RYR2: variants seen among roughly 807,000 people sequenced by gnomAD.
RYR2 encodes cardiac muscle ryanodine receptor-calcium release channel.
Under a neutral mutation model 601.1 loss-of-function variants are expected in RYR2, and 227 were observed. The observed-to-expected ratio is 0.38, with a 90% confidence interval of 0.34 to 0.42. RYR2 has a LOEUF of 0.42. Among genes scored for constraint, RYR2 ranks in the 10% least tolerant of loss-of-function variants. RYR2 has a pLI of 1.00. For missense variants in RYR2, 4,646 were observed against 6,156.5 expected (o/e 0.75, Z 8.21); for synonymous variants, 2,223 against 2,175.1 (o/e 1.02, Z -0.61).
chr1:237,045,873 T>C (rs1660527256), intron 1 of RYR2, among the ~76,000 whole-genome samples: 1 of 108,790 alleles, frequency 9.2e-6, no homozygotes, highest in Admixed American at 1.3e-4. Flanking sequence ...GTCAAGGTTT[T>C]TTTTTTTTTT....
intron 68 of RYR2, among the ~76,000 whole-genome samples, chr1:237,707,979 A>C (rs1573611087): frequency 1.5e-5 from 2 of 135,198 alleles, no homozygotes; most frequent in South Asian, 2.3e-4. Flanking sequence ...ATGGGGTTTC[A>C]CCATGTTCGC....
chr1:237,555,655 C>T (rs999623980), intron 27 of RYR2, among the ~76,000 whole-genome samples: 6 of 152,124 alleles, frequency 3.9e-5, no homozygotes, highest in African/African-American at 1.4e-4. Flanking sequence ...AGAAGGAACT[C>T]TGACAACATT....
intron 17 of RYR2, among the ~76,000 whole-genome samples, chr1:237,476,704 T>TG (rs909602895): frequency 7.2e-5 from 11 of 152,120 alleles, no homozygotes; most frequent in African/African-American, 2.7e-4. Context: ...AGTTGTAAGC[T>TG]GTGAAATAAA....
intron 17 of RYR2, among the ~76,000 whole-genome samples, chr1:237,486,311 G>A (rs570927093): frequency 3.2e-4 from 49 of 152,230 alleles, no homozygotes; most frequent in Non-Finnish European, 5.3e-4. Context: ...CTAAGTTCTT[G>A]TAACTCCTCA....
At chr1:237,048,704 C>G (rs1660887842) in intron 1 of RYR2, among the ~76,000 whole-genome samples, 1 of 152,130 alleles carries the variant, frequency 6.6e-6, no homozygotes, top group African/African-American at 2.4e-5. Context: ...TTGGGAAACT[C>G]AAGCAATGGT....
intron 39 of RYR2, 84 bp downstream of exon 39, chr1:237,623,954 A>G (rs770378887): frequency 2.3e-6 from 2 of 865,186 alleles, no homozygotes; most frequent in Non-Finnish European, 3.8e-6. Context: ...GTATATGCGA[A>G]TATTTTCACG....
intron 1 of RYR2, among the ~76,000 whole-genome samples, chr1:237,182,047 A>G (rs995726022): frequency 6.6e-6 from 1 of 152,208 alleles, no homozygotes; most frequent in Non-Finnish European, 1.5e-5. Flanking sequence ...CATTTGCTAC[A>G]TACAAAAGAA....
In RYR2 at chr1:237,651,825, T is replaced by C. The variant is rs547286301; in HGVS notation, c.7824+324T>C. Among the ~76,000 whole-genome samples, 359 of 152,010 alleles carry C rather than the reference T, an allele frequency of 2.4e-3. 1 individual carries two copies. The highest frequency in any genetic ancestry group is 8.2e-3 in the East Asian group (42 of 5,146). On this transcript the variant is annotated intron_variant, in intron 51 of 104. Coordinates refer to ENST00000366574, the MANE Select transcript of RYR2 (RefSeq NM_001035.3). ...GGCCAAGGTGGGCGGATCACGAGGT[T>C]AGGAGATCGAGACCATCCTAGCTAA...
At chr1:237,649,245 A>T (rs1256475784) in intron 49 of RYR2, among the ~76,000 whole-genome samples, 2 of 152,234 alleles carry the variant, frequency 1.3e-5, no homozygotes, top group African/African-American at 4.8e-5. Context: ...TTTATCAATT[A>T]AATGTGCTTT....
At chr1:237,439,288 C>T (rs1205154100) in intron 12 of RYR2, among the ~76,000 whole-genome samples, 1 of 152,168 alleles carries the variant, frequency 6.6e-6, no homozygotes, top group Admixed American at 6.5e-5. Context: ...CAAGTGTTCT[C>T]ACTTATTTTT....
rs2805396 is a variant in RYR2, at chr1:237,569,095, G to A, written c.3424-50G>A. 1,047,646 of 1,551,862 alleles carry A rather than the reference G, an allele frequency of 0.68. 363,408 individuals carry two copies. Among genetic ancestry groups the A allele is most frequent in the Admixed American group, 0.73 (39,777 of 54,836 alleles). On this transcript the variant is annotated intron_variant, in intron 28 of 104. Transcript: ENST00000366574. ...TCGTGACAGAGTGGTGGGTGGGTGC[G>A]ATTTTCCTGGCTTAGTCTGTGACAA...
At position 237,830,610 on chromosome 1, in the gene RYR2, G is replaced by A. The variant is rs540660645; in HGVS notation, c.14736G>A (p.Glu4912=). The change falls in exon 103 of 105, where the codon GAG becomes GAA. Residue 4912 remains glutamate (E), a synonymous_variant. Coordinates refer to ENST00000366574, the MANE Select transcript of RYR2 (RefSeq NM_001035.3). ...GCTTTGAAACCCACACTTTACAGGA[G>A]CACAACTTGGCTAATTACTTGTGAG... ...PHGFETHTLQ[E]HNLANYLFFL... is the part of the protein sequence containing the mutation. 1.0e-5 allele frequency: 16 copies of A among 1,599,538 alleles called. No individual in the cohort carries two copies. Among genetic ancestry groups the A allele is most frequent in the Admixed American group, 1.7e-5 (1 of 59,864 alleles).
chr1:237,147,937 T>TTTGGCC (rs1375180821), intron 1 of RYR2, among the ~76,000 whole-genome samples: 1 of 152,268 alleles, frequency 6.6e-6, no homozygotes, highest in African/African-American at 2.4e-5. Flanking sequence ...GTTACCTTGA[T>TTTGGCC]TTGGCCTTGG....
At position 237,473,234 on chromosome 1, in the gene RYR2, G is replaced by A. The variant is rs541108743; in HGVS notation, c.1708+4047G>A. ...AGGTCAGGAGTTTGAAACCAGCCTG[G>A]CCAACATGATGAAACCCTGTCTCTA... is the stretch of plus-strand genomic sequence containing the variant. On this transcript the variant is annotated intron_variant, in intron 17 of 104. Transcript: ENST00000366574. Among the ~76,000 whole-genome samples the A allele has an allele frequency of 2.0e-5, 3 of 152,024 alleles. No homozygotes were observed. The East Asian group carries it at 5.8e-4, about 30-fold the overall frequency.
In RYR2 at chr1:237,784,000, C is replaced by T. The variant is rs757835223; in HGVS notation, c.12288C>T (p.Phe4096=). Residue 4096 remains phenylalanine, a synonymous_variant, in exon 90 of 105, where the codon TTC becomes TTT. Transcript: ENST00000366574. ...RFHEPAKDIG[F]NVAVLLTNLS... ...ACGAACCTGCGAAGGACATCGGCTT[C>T]AACGTCGCCGTCCTTCTGACAAACC... The T allele has an allele frequency of 1.9e-6, 3 of 1,613,886 alleles. No homozygotes were observed. Among genetic ancestry groups the T allele is most frequent in the South Asian group, 2.2e-5 (2 of 91,074 alleles).
chr1:237,556,120 G>A (rs1315782854), intron 27 of RYR2, among the ~76,000 whole-genome samples: 1 of 151,830 alleles, frequency 6.6e-6, no homozygotes. Context: ...TTTCATCTTC[G>A]TAACACCGTT....
At chr1:237,555,268 T>C in intron 27 of RYR2, 1 of 152,154 alleles carries the variant, frequency 6.6e-6, no homozygotes, top group East Asian at 1.9e-4. Flanking sequence ...TATTTTCAAA[T>C]ATTTGATTCA....
At chr1:237,407,700 T>C (rs1222407851) in intron 10 of RYR2, among the ~76,000 whole-genome samples, 1 of 148,630 alleles carries the variant, frequency 6.7e-6, no homozygotes. Context: ...TACTGGAAGC[T>C]CAATCTCCTG....
At chr1:237,284,607 TAC>T (rs1237949908) in intron 2 of RYR2, among the ~76,000 whole-genome samples, 3 of 45,874 alleles carry the variant, frequency 6.5e-5, no homozygotes, top group Admixed American at 1.7e-4. Flanking sequence ...CACACACACA[TAC>T]ACACCACAGT....
Sources: gnomAD v4.1 joint callset for allele counts (sites outside exome capture counted in the v4.1 genomes callset) on GRCh38, gnomAD v4.1.1 for gene constraint, MANE v1.5 for transcripts, NCBI Gene and HGNC (gene_info 2026-07-23, HGNC 2026-07-21) for gene names.